The following THSD7B variants were observed in gnomAD, a reference collection of about 807,000 sequenced individuals.
The protein encoded by THSD7B is thrombospondin type 1 domain containing 7B, also known as thrombospondin type-1 domain-containing protein 7B.
In THSD7B, 138 loss-of-function variants were observed where a neutral mutation model predicts 213.6. The observed-to-expected ratio is 0.65, with a 90% CI of 0.56 to 0.74. The LOEUF (loss-of-function observed/expected upper bound fraction) is 0.74. Ranked by LOEUF, THSD7B falls within the 30% of genes least tolerant of loss-of-function variation. The probability of loss-of-function intolerance (pLI) is 0.00; values close to 1 mark genes in which losing one functional copy is unlikely to be tolerated. For synonymous variants in THSD7B, 742 were observed against 687.0 expected (o/e 1.08, Z -1.25); for missense variants, 1,931 against 1,991.5 (o/e 0.97, Z 0.58).
intron 3 of THSD7B, among the ~76,000 whole-genome samples, chr2:137,063,669 A>G (rs1156655313): frequency 6.6e-6 from 1 of 151,976 alleles, no homozygotes; most frequent in African/African-American, 2.4e-5. Flanking sequence ...ATTTTCCCCA[A>G]TCACCACTAC....
chr2:137,107,407 G>A (rs900852474), intron 4 of THSD7B, among the ~76,000 whole-genome samples: 13 of 152,114 alleles, frequency 8.5e-5, no homozygotes, highest in African/African-American at 3.1e-4. Context: ...GCTAAGGGAG[G>A]GATAGCATTA....
chr2:137,508,070 C>T (rs1338991481), intron 15 of THSD7B, among the ~76,000 whole-genome samples: 1 of 151,494 alleles, frequency 6.6e-6, no homozygotes, highest in Non-Finnish European at 1.5e-5. Flanking sequence ...ATTTGCAAAA[C>T]AATTAAAATA....
intron 20 of THSD7B, among the ~76,000 whole-genome samples, chr2:137,623,462 T>C (rs1196483917): frequency 3.3e-5 from 5 of 152,142 alleles, no homozygotes; most frequent in Admixed American, 1.3e-4. Flanking sequence ...CAACATAGTG[T>C]TGGAAGTTCT....
At chr2:137,518,463 G>T (rs935101319) in intron 15 of THSD7B, among the ~76,000 whole-genome samples, 3 of 152,204 alleles carry the variant, frequency 2.0e-5, no homozygotes, top group Non-Finnish European at 4.4e-5. Context: ...GGTTTGGCCG[G>T]TTGGTCAGGG....
chr2:137,189,218 A>G (rs186175096), intron 7 of THSD7B, among the ~76,000 whole-genome samples: 2 of 152,296 alleles, frequency 1.3e-5, no homozygotes, highest in East Asian at 1.9e-4. Context: ...ACCCAGGGGC[A>G]GCTCCTTTTC....
At chr2:137,478,815 T>C (rs1157364866) in intron 15 of THSD7B, among the ~76,000 whole-genome samples, 2 of 152,214 alleles carry the variant, frequency 1.3e-5, no homozygotes, top group East Asian at 1.9e-4. Context: ...ATATGATTTA[T>C]TTCACTGTAA....
At chr2:137,547,763 CT>C (rs1181953234) in intron 15 of THSD7B, among the ~76,000 whole-genome samples, 3 of 151,832 alleles carry the variant, frequency 2.0e-5, no homozygotes, top group Admixed American at 6.6e-5. Context: ...CTTTCACTTC[CT>C]GATAGACTGT....
At chr2:136,991,070 C>G (rs1685772962) in intron 2 of THSD7B, 1 of 658,492 alleles carries the variant, frequency 1.5e-6, no homozygotes, top group Non-Finnish European at 2.3e-6. Flanking sequence ...AGGACCTGGA[C>G]AAATGAAGTT....
intron 2 of THSD7B, among the ~76,000 whole-genome samples, chr2:137,003,207 A>G (rs1353157987): frequency 6.6e-6 from 1 of 152,214 alleles, no homozygotes; most frequent in Non-Finnish European, 1.5e-5. Flanking sequence ...CTTTTAAAAA[A>G]TGTATGACAT....
At chr2:137,099,850 A>G (rs1039227831) in intron 4 of THSD7B, among the ~76,000 whole-genome samples, 5 of 152,144 alleles carry the variant, frequency 3.3e-5, no homozygotes, top group African/African-American at 9.7e-5. Context: ...TATCGTTCCA[A>G]TACTCTGGTC....
intron 15 of THSD7B, among the ~76,000 whole-genome samples, chr2:137,560,618 G>T (rs1036997887): frequency 6.6e-6 from 1 of 152,066 alleles, no homozygotes; most frequent in South Asian, 2.1e-4. Context: ...TGTAAATGAC[G>T]AGCTAATGGG....
At chr2:136,788,646 T>C (rs1449961100) in intron 1 of THSD7B, among the ~76,000 whole-genome samples, 1 of 152,152 alleles carries the variant, frequency 6.6e-6, no homozygotes, top group Non-Finnish European at 1.5e-5. Context: ...ATTAATTTCT[T>C]AGAACTAAAG....
At chr2:136,771,724 A>G (rs1373147890) in intron 1 of THSD7B, among the ~76,000 whole-genome samples, 2 of 152,080 alleles carry the variant, frequency 1.3e-5, no homozygotes, top group African/African-American at 4.8e-5. Context: ...GATTGAATCT[A>G]TTTTCTTATT....
At chr2:137,015,097 AT>A (rs1342018458) in intron 2 of THSD7B, among the ~76,000 whole-genome samples, 1 of 152,032 alleles carries the variant, frequency 6.6e-6, no homozygotes, top group Non-Finnish European at 1.5e-5. Flanking sequence ...TGCTTTTCAA[AT>A]GTCTGTTTTC....
intron 2 of THSD7B, 104 bp downstream of exon 2, chr2:136,882,421 G>A: frequency 8.4e-7 from 1 of 1,188,634 alleles, no homozygotes; most frequent in Non-Finnish European, 1.1e-6. Flanking sequence ...AATATCCAGA[G>A]AGGAAAAATA....
At chr2:136,960,986 G>A (rs906973092) in intron 2 of THSD7B, among the ~76,000 whole-genome samples, 5 of 149,100 alleles carry the variant, frequency 3.4e-5, no homozygotes, top group African/African-American at 1.2e-4. Flanking sequence ...CTACTTGGGA[G>A]GCTGAGGTAG....
Position 137,578,917 on chromosome 2 carries a change from A to G in THSD7B, c.3423+6361A>G, listed in dbSNP as rs78764011. On this transcript the variant is annotated intron_variant, in intron 17 of 27. Coordinates refer to ENST00000409968, the MANE Select transcript of THSD7B (RefSeq NM_001316349.2). Reference sequence around the variant, plus strand: ...GAATAGAGACTAAGTGATCTGTACAACAACAGCAAGTCATTTAACGTTTGC... The same window carrying G: ...GAATAGAGACTAAGTGATCTGTACAGCAACAGCAAGTCATTTAACGTTTGC... 1.6e-4 allele frequency among the ~76,000 whole-genome samples: 24 copies of G among 152,336 alleles called. No individual in the cohort carries two copies. The East Asian group carries it at 3.9e-3, about 24-fold the overall frequency.
chr2:137,239,527 C>T (rs1681853127), intron 9 of THSD7B, among the ~76,000 whole-genome samples: 1 of 152,140 alleles, frequency 6.6e-6, no homozygotes, highest in African/African-American at 2.4e-5. Flanking sequence ...ATCACTGGCC[C>T]TTCTCCCTTT....
chr2:137,263,811 G>A (rs1573919776), intron 10 of THSD7B, among the ~76,000 whole-genome samples: 1 of 152,232 alleles, frequency 6.6e-6, no homozygotes, highest in East Asian at 1.9e-4. Flanking sequence ...TGGATAGGAA[G>A]GAAGTCTATA....
Sources: allele counts gnomAD v4.1 joint callset (sites outside exome capture counted in the v4.1 genomes callset), GRCh38; gene constraint gnomAD v4.1.1; transcripts MANE v1.5; gene names NCBI Gene and HGNC (gene_info 2026-07-23, HGNC 2026-07-21).